Variants in NEDD9 observed in about 807,000 individuals in gnomAD.
The protein encoded by NEDD9 is neural precursor cell expressed, developmentally down-regulated 9, also known as enhancer of filamentation 1.
In NEDD9, 26 loss-of-function variants were observed where a neutral mutation model predicts 76.6. The ratio of observed to expected loss-of-function variants is 0.34; its 90% CI spans 0.25 to 0.47. The LOEUF (loss-of-function observed/expected upper bound fraction) is 0.47, where lower values mean the gene tolerates loss of function less well. NEDD9 is among the 20% of genes least tolerant of loss of function. The probability of loss-of-function intolerance (pLI) is 1.00; values close to 1 mark genes in which losing one functional copy is unlikely to be tolerated. For synonymous variants in NEDD9, 392 were observed against 414.2 expected, an observed-to-expected ratio of 0.95 and a Z score of 0.65; for missense variants, 937 against 1,058.5, an observed-to-expected ratio of 0.89 and a Z score of 1.59.
At chr6:11,360,735 C>T (rs1016636863) in intron 1 of NEDD9, among the ~76,000 whole-genome samples, 1 of 152,128 alleles carries the variant, frequency 6.6e-6, no homozygotes, top group Non-Finnish European at 1.5e-5. Context: ...AACCGTGGGC[C>T]AATTAAACCT....
At chr6:11,232,959 A>C (rs940209453), upstream of NEDD9, among the ~76,000 whole-genome samples, 1 of 152,238 alleles carries the variant, frequency 6.6e-6, no homozygotes, top group Admixed American at 6.5e-5. Flanking sequence ...GATTAACCCA[A>C]ATTTTAAAGA....
chr6:11,300,575 G>T (rs1582008597), intron 3 of NEDD9, among the ~76,000 whole-genome samples: 1 of 152,146 alleles, frequency 6.6e-6, no homozygotes, highest in Non-Finnish European at 1.5e-5. Flanking sequence ...ATTCACCAAG[G>T]TTGAAATGAA....
chr6:11,219,240 C>T (rs942819320), intron 1 of NEDD9, among the ~76,000 whole-genome samples: 1 of 152,170 alleles, frequency 6.6e-6, no homozygotes, highest in African/African-American at 2.4e-5. Flanking sequence ...GTCAAGAAAG[C>T]TTATTACTCC....
Position 11,308,394 on chromosome 6 carries a change from A to G in NEDD9, c.-152-2239T>C, listed in dbSNP as rs1433513383. Among the ~76,000 whole-genome samples the G allele has an allele frequency of 4.5e-4, 57 of 125,926 alleles. 1 individual carries two copies. Among genetic ancestry groups the G allele is most frequent in the African/African-American group, 1.6e-3 (53 of 32,718 alleles). 82.6% of individuals were successfully genotyped at this position (125,926 alleles called of 152,430 possible). A position where few individuals can be genotyped will look rare whatever the true frequency, so the allele number is the denominator to read the frequency against. On this transcript the variant is annotated intron_variant, in intron 2 of 3. Transcript: ENST00000397378. ...TTTTTTTTTTTTTTTTTTTGATACGAAGTCTGGCTCTGTCACCCAGGCTGG... is the reference window on the plus strand; with the variant it reads ...TTTTTTTTTTTTTTTTTTTGATACGGAGTCTGGCTCTGTCACCCAGGCTGG...
intron 1 of NEDD9, among the ~76,000 whole-genome samples, chr6:11,215,946 G>A (rs529815321): frequency 1.3e-5 from 2 of 152,350 alleles, no homozygotes; most frequent in Non-Finnish European, 2.9e-5. Flanking sequence ...GAGCACCGGA[G>A]CATGCTTGAT....
intron 3 of NEDD9, among the ~76,000 whole-genome samples, chr6:11,279,222 T>C (rs572512349): frequency 2.0e-4 from 31 of 152,252 alleles, no homozygotes; most frequent in Middle Eastern, 3.2e-3. Context: ...GATCTGTTGA[T>C]GCCAAATAAA....
chr6:11,312,113 C>T (rs181953746), intron 2 of NEDD9, among the ~76,000 whole-genome samples: 3 of 152,198 alleles, frequency 2.0e-5, no homozygotes, highest in African/African-American at 7.2e-5. Context: ...CTTCAGGACT[C>T]CTGAACCTGT....
At chr6:11,357,907 C>T (rs1376684140) in intron 1 of NEDD9, among the ~76,000 whole-genome samples, 2 of 152,136 alleles carry the variant, frequency 1.3e-5, no homozygotes, top group Non-Finnish European at 2.9e-5. Context: ...TGCCTTTCTT[C>T]CACCCAGGCA....
intron 2 of NEDD9, among the ~76,000 whole-genome samples, chr6:11,330,444 A>AG (rs1164818074): frequency 6.6e-6 from 1 of 152,166 alleles, no homozygotes; most frequent in Non-Finnish European, 1.5e-5. Flanking sequence ...GAGAATGACC[A>AG]GGGGGTAAGC....
intron 1 of NEDD9, among the ~76,000 whole-genome samples, chr6:11,380,797 C>T (rs938947816): frequency 1.3e-5 from 2 of 151,874 alleles, no homozygotes; most frequent in East Asian, 1.9e-4. Context: ...TCCTAGTCAT[C>T]GTCTTCTTCT....
At chr6:11,326,077 C>T (rs553688393) in intron 2 of NEDD9, among the ~76,000 whole-genome samples, 231 of 148,762 alleles carry the variant, frequency 1.6e-3, no homozygotes, top group Non-Finnish European at 2.6e-3. Context: ...ACCCTGGAGG[C>T]GGAGGTTGCA....
upstream of NEDD9, chr6:11,232,752 G>T: frequency 7.2e-7 from 1 of 1,381,400 alleles, no homozygotes; most frequent in Non-Finnish European, 9.5e-7. Flanking sequence ...ACAAGGTAAT[G>T]CTCAGGCCCT....
At chr6:11,296,913 G>C (rs1415277467) in intron 3 of NEDD9, among the ~76,000 whole-genome samples, 2 of 152,078 alleles carry the variant, frequency 1.3e-5, no homozygotes, top group Non-Finnish European at 2.9e-5. Flanking sequence ...ATTTTTAGTA[G>C]AGACATGGTT....
chr6:11,187,243 G>GCATGCCATTTCATGTCATTA (rs1156621801), intron 6 of NEDD9, among the ~76,000 whole-genome samples: 5 of 152,148 alleles, frequency 3.3e-5, no homozygotes, highest in Non-Finnish European at 5.9e-5. Flanking sequence ...CCTAAATATA[G>GCATGCCATTTCATGTCATTA]CATGCCATTT....
chr6:11,355,935 A>G (rs1382429262), intron 1 of NEDD9, among the ~76,000 whole-genome samples: 1 of 151,978 alleles, frequency 6.6e-6, no homozygotes, highest in Non-Finnish European at 1.5e-5. Flanking sequence ...GTTAGCCAGG[A>G]TGGTCTCGAT....
chr6:11,227,804 A>AAAGGT (rs145984162), intron 1 of NEDD9, among the ~76,000 whole-genome samples: 1 of 151,548 alleles, frequency 6.6e-6, no homozygotes, highest in Non-Finnish European at 1.5e-5. Context: ...AGAGTAGGGC[A>AAAGGT]GAGGTGAAAA....
rs1367181189 is a variant in NEDD9 at position 11,184,467 on chromosome 6, A to G, written c.*695T>C. The G allele has an allele frequency of 2.6e-5, 4 of 152,076 alleles. No homozygotes were observed. The East Asian group carries it at 7.7e-4, about 29-fold the overall frequency. The allele number at this position is 152,076 out of a possible 1,614,324, so 9.4% of individuals were successfully genotyped here. A position where few individuals can be genotyped will look rare whatever the true frequency, so the allele number is the denominator to read the frequency against. On this transcript the variant is annotated 3_prime_UTR_variant, in exon 7 of 7. Coordinates refer to ENST00000379446, the MANE Select transcript of NEDD9 (RefSeq NM_006403.4). ...TGTCTCTCAGTATTGAAACAACCCA[A>G]TCCTAACTGTGGTCCTGGCCTCTAA...
chr6:11,241,525 A>G lies in NEDD9; in HGVS notation c.13-27798T>C, dbSNP rs755213410. On this transcript the variant is annotated intron_variant, in intron 3 of 3. Coordinates refer to the NEDD9 transcript ENST00000397378. The surrounding 1 kb of genome is among the most constrained non-coding windows in gnomAD (Gnocchi z 4.0). ...GGGCTGGATTTTCTGTTTCCAATCT[A>G]CTTCCGAGCTTTGCCATTCTCCAGC... Among the ~76,000 whole-genome samples, 4 of 152,084 alleles carry G rather than the reference A, an allele frequency of 2.6e-5. No homozygotes were observed. Among genetic ancestry groups the G allele is most frequent in the Non-Finnish European group, 5.9e-5 (4 of 68,020 alleles).
At chr6:11,305,420 T>C (rs1024587749) in intron 3 of NEDD9, 1 of 229,526 alleles carries the variant, frequency 4.4e-6, no homozygotes, top group Non-Finnish European at 8.8e-6. Context: ...CGATGATGCC[T>C]GCCTCTTTTA....
Sources: gnomAD v4.1 joint callset for allele counts (sites outside exome capture counted in the v4.1 genomes callset) on GRCh38, gnomAD v4.1.1 for gene constraint, Gnocchi (gnomAD v3.1) non-coding constraint, MANE v1.5 for transcripts, NCBI Gene and HGNC (gene_info 2026-07-23, HGNC 2026-07-21) for gene names.